Variants in CFAP54 observed in about 807,000 individuals in gnomAD.
CFAP54 encodes cilia and flagella associated protein 54, also known as cilia- and flagella-associated protein 54.
In CFAP54, 290 loss-of-function variants were observed where a neutral mutation model predicts 370.4. That is an observed-to-expected ratio of 0.78 (90% CI 0.71 to 0.86). The LOEUF (loss-of-function observed/expected upper bound fraction) is 0.86. Among genes scored for constraint, CFAP54 ranks in the 40% least tolerant of loss-of-function variants. The probability of loss-of-function intolerance (pLI) is 0.00; values close to 1 mark genes in which losing one functional copy is unlikely to be tolerated. For missense variants in CFAP54, 3,399 were observed against 3,528.7 expected (o/e 0.96, Z 0.93); for synonymous variants, 1,206 against 1,236.5 (o/e 0.98, Z 0.52).
chr12:96,599,157 C>A (rs1429789678), intron 26 of CFAP54, among the ~76,000 whole-genome samples: 1 of 149,080 alleles, frequency 6.7e-6, no homozygotes, highest in Non-Finnish European at 1.5e-5. Flanking sequence ...ATCCCTCCCC[C>A]AGCCCCCCAC....
intron 67 of CFAP54, among the ~76,000 whole-genome samples, chr12:96,869,430 A>G (rs1428980281): frequency 6.6e-6 from 1 of 152,202 alleles, no homozygotes; most frequent in Admixed American, 6.5e-5. Flanking sequence ...TGCTTCAGCA[A>G]TTCAGGTAAC....
rs116986832 is a variant in CFAP54, at chr12:96,571,882, G to T, written c.2620-4703G>T. Among the ~76,000 whole-genome samples the T allele has an allele frequency of 3.4e-4, 52 of 152,288 alleles. No homozygotes were observed. The East Asian group carries it at 4.6e-3, about 14-fold the overall frequency. ...TAGTTTTTAACTAGCCTTAGGGTTT[G>T]CCCTGAATTCTGTTATGGAATTTAT... On this transcript the variant is annotated intron_variant, in intron 19 of 67. Transcript: ENST00000524981.
Position 96,651,584 on chromosome 12 carries a change from A to G in CFAP54, c.4873-4A>G. The stretch of plus-strand genomic sequence containing the variant: ...GGATCTTTTAAATTTTGTGTTTGTC[A>G]TAGGTTCTTGCTCATCGTGGTGGCT... On this transcript the variant is annotated splice_region_variant and splice_polypyrimidine_tract_variant and intron_variant, in intron 35 of 67. Transcript: ENST00000524981. 3.1e-6 allele frequency: 5 copies of G among 1,612,340 alleles called. No homozygotes were observed. Among genetic ancestry groups the G allele is most frequent in the East Asian group, 4.5e-5 (2 of 44,852 alleles).
chr12:96,579,960 T>C (rs376238345), intron 20 of CFAP54, among the ~76,000 whole-genome samples: 3 of 151,770 alleles, frequency 2.0e-5, no homozygotes, highest in East Asian at 3.9e-4. Flanking sequence ...GAGAAAAAAA[T>C]TGGCCCATTA....
intron 1 of CFAP54, among the ~76,000 whole-genome samples, chr12:96,496,810 A>G (rs6538721): frequency 0.39 from 58,649 of 151,974 alleles, 11,745 homozygotes; most frequent in East Asian, 0.64. Context: ...ATAATTTCTG[A>G]GGGAGAGGAA....
chr12:96,805,722 A>G (rs1310871158), intron 63 of CFAP54, among the ~76,000 whole-genome samples: 2 of 152,176 alleles, frequency 1.3e-5, no homozygotes, highest in African/African-American at 4.8e-5. Flanking sequence ...CATTGGATTC[A>G]GCAGTTCTAC....
intron 17 of CFAP54, among the ~76,000 whole-genome samples, chr12:96,559,791 T>C (rs1406932627): frequency 2.0e-5 from 3 of 152,082 alleles, no homozygotes; most frequent in Non-Finnish European, 4.4e-5. Flanking sequence ...ATAACCATAA[T>C]ACCATTATCA....
intron 19 of CFAP54, among the ~76,000 whole-genome samples, chr12:96,571,012 A>G (rs1035326044): frequency 2.0e-5 from 3 of 152,160 alleles, no homozygotes; most frequent in African/African-American, 7.2e-5. Context: ...GTACATTATA[A>G]TGTTGAGAAC....
intron 39 of CFAP54, among the ~76,000 whole-genome samples, chr12:96,676,907 G>A (rs747219732): frequency 5.9e-5 from 9 of 152,172 alleles, no homozygotes; most frequent in Non-Finnish European, 1.0e-4. Flanking sequence ...GAAGGTAACC[G>A]TCTGCGAGCC....
chr12:96,491,126 C>G (rs571857930), intron 1 of CFAP54, among the ~76,000 whole-genome samples: 1 of 152,062 alleles, frequency 6.6e-6, no homozygotes, highest in East Asian at 1.9e-4. Flanking sequence ...TGAGCTACTG[C>G]GCCTGGCCTG....
In CFAP54 at chr12:96,518,963, G is replaced by A. The variant is rs1269782083; in HGVS notation, c.834G>A (p.Met278Ile). 2 of 1,535,964 alleles carry A rather than the reference G, an allele frequency of 1.3e-6. No individual in the cohort carries two copies. Among genetic ancestry groups the A allele is most frequent in the East Asian group, 2.4e-5 (1 of 40,906 alleles). Residue 278 changes from methionine to isoleucine, a missense_variant, in exon 6 of 68, where the codon ATG becomes ATA. Met to Ile is a conservative substitution (Grantham distance 10). Transcript: ENST00000524981. ...ATCTCCTGTGGGCCAGCATGTGTAT[G>A]GAGTCCTTGGTCCCGCTCCTGTCAC... ...LEYLLWASMCMESLVPLLSLR... is the reference protein window; with the variant it reads ...LEYLLWASMCIESLVPLLSLR...
In CFAP54 at chr12:96,489,670, C is replaced by G. The variant is rs992714685; in HGVS notation, c.61C>G (p.Leu21Val). Residue 21 changes from leucine to valine, a missense_variant, in exon 1 of 68, where the codon CTG (leucine) becomes GTG (valine). Coordinates refer to ENST00000524981, the MANE Select transcript of CFAP54 (RefSeq NM_001306084.2). ...PSDDSTTSGS[L>V]PELPPTSTAT... ...AGACGACTCTACCACCTCGGGGTCT[C>G]TGCCAGAACTGCCGCCGACCTCCAC... 20 of 1,535,746 alleles carry G rather than the reference C, an allele frequency of 1.3e-5. No homozygotes were observed. The highest frequency in any genetic ancestry group is 5.9e-5 in the Admixed American group (3 of 50,962).
chr12:96,859,552 C>A (rs1052517813), intron 66 of CFAP54, among the ~76,000 whole-genome samples: 1 of 151,998 alleles, frequency 6.6e-6, no homozygotes, highest in Non-Finnish European at 1.5e-5. Context: ...ATTATGGGCA[C>A]CCACCACCAT....
intron 65 of CFAP54, among the ~76,000 whole-genome samples, chr12:96,825,698 A>C (rs544722353): frequency 8.0e-6 from 1 of 124,314 alleles, no homozygotes; most frequent in South Asian, 2.3e-4. Flanking sequence ...CACGATATAT[A>C]TTATATATTA....
chr12:96,622,470 C>G (rs1434526471), intron 27 of CFAP54, among the ~76,000 whole-genome samples: 1 of 152,024 alleles, frequency 6.6e-6, no homozygotes, highest in Non-Finnish European at 1.5e-5. Flanking sequence ...TCTGCCTCAG[C>G]CTCTGAGTAG....
chr12:96,826,969 T>C (rs1212836767), intron 65 of CFAP54, among the ~76,000 whole-genome samples: 7 of 130,018 alleles, frequency 5.4e-5, no homozygotes, highest in Non-Finnish European at 7.7e-5. Flanking sequence ...TATGCAATTA[T>C]ATATGATTAT....
chr12:96,776,434 A>T (rs1289613875), intron 60 of CFAP54, among the ~76,000 whole-genome samples: 1 of 152,214 alleles, frequency 6.6e-6, no homozygotes. Flanking sequence ...ACTCATTACA[A>T]GTTAACATAA....
At chr12:96,638,955 A>G (rs959875069) in intron 32 of CFAP54, among the ~76,000 whole-genome samples, 1 of 152,082 alleles carries the variant, frequency 6.6e-6, no homozygotes. Flanking sequence ...GATCTTGGTT[A>G]TTTCTTGCCG....
In CFAP54 at chr12:96,580,742, A is replaced by C. The variant is rs1405869156; in HGVS notation, c.2889+53A>C. ...TTACTGAAGCCTTTAATGATAATTA[A>C]ATTTTTAAATGAAGTCATTGTTTTG... On this transcript the variant is annotated intron_variant, in intron 21 of 67. Transcript: ENST00000524981. The C allele has an allele frequency of 3.2e-5, 40 of 1,247,852 alleles. No homozygotes were observed. In the East Asian group the frequency reaches 4.2e-4, roughly 13 times the overall value. The allele number at this position is 1,247,852 out of a possible 1,614,324, so 77.3% of individuals were successfully genotyped here.
Sources: allele counts gnomAD v4.1 joint callset (sites outside exome capture counted in the v4.1 genomes callset), GRCh38; gene constraint gnomAD v4.1.1; transcripts MANE v1.5; gene names NCBI Gene and HGNC (gene_info 2026-07-23, HGNC 2026-07-21).